The following BUB3 variants were observed in gnomAD, a reference collection of about 807,000 sequenced individuals.
The protein encoded by BUB3 is mitotic checkpoint protein BUB3.
A neutral mutation model predicts 39.9 loss-of-function variants in BUB3; 22 were observed. That is an observed-to-expected ratio of 0.55 (90% CI 0.39 to 0.79). BUB3 has a LOEUF of 0.79. Among genes scored for constraint, BUB3 ranks in the 30% least tolerant of loss-of-function variants. BUB3 has a pLI of 0.00. For missense variants in BUB3, 303 were observed against 415.4 expected (o/e 0.73, Z 2.35); for synonymous variants, 168 against 155.1 (o/e 1.08, Z -0.62).
rs982285680 is a variant in BUB3 at position 123,165,297 on chromosome 10, G to A, written c.*1462G>A. 3 of 439,212 alleles carry A rather than the reference G, an allele frequency of 6.8e-6. No homozygotes were observed. Among genetic ancestry groups the A allele is most frequent in the Non-Finnish European group, 1.2e-5 (3 of 247,346 alleles). The allele number at this position is 439,212 out of a possible 1,614,324, so 27.2% of individuals were successfully genotyped here. A position where few individuals can be genotyped will look rare whatever the true frequency, so the allele number is the denominator to read the frequency against. On this transcript the variant is annotated 3_prime_UTR_variant, in exon 8 of 8. Coordinates refer to ENST00000368865, the MANE Select transcript of BUB3 (RefSeq NM_004725.4). ...CCCAGTTGCTGTATCTGAACAGTTT[G>A]AGCTCTTTTTGTAATATACTCTAAA...
chr10:123,157,603 T>G, intron 3 of BUB3, 126 bp from the exon 4 acceptor site: 1 of 1,071,746 alleles, frequency 9.3e-7, no homozygotes, highest in Non-Finnish European at 1.3e-6. Context: ...GACATTTCCA[T>G]GGGGTTGGAT....
intron 5 of BUB3, among the ~76,000 whole-genome samples, 178 bp downstream of exon 5, chr10:123,160,743 G>A (rs913448921): frequency 1.3e-5 from 2 of 151,830 alleles, no homozygotes; most frequent in Non-Finnish European, 2.9e-5. Flanking sequence ...CAGGAAGTGC[G>A]TTAACCCCCA....
intron 4 of BUB3, among the ~76,000 whole-genome samples, chr10:123,158,794 T>C (rs1844383198): frequency 6.6e-6 from 1 of 152,248 alleles, no homozygotes; most frequent in African/African-American, 2.4e-5. Context: ...TATCATATAA[T>C]GGACAGCCAC....
Position 123,164,334 on chromosome 10 carries a change from A to T in BUB3, c.*499A>T, listed in dbSNP as rs1844460913. 1 of 985,872 alleles carries T rather than the reference A, an allele frequency of 1.0e-6. No homozygotes were observed. The highest frequency in any genetic ancestry group is 1.7e-5 in the African/African-American group (1 of 57,230). The allele number at this position is 985,872 out of a possible 1,614,324, so 61.1% of individuals were successfully genotyped here. ...CCTCTTGGCCGTCCATTATTTTCTG[A>T]AGCAGATGGTTCATCATTTCCTGGG... On this transcript the variant is annotated 3_prime_UTR_variant, in exon 8 of 8. Coordinates refer to ENST00000368865, the MANE Select transcript of BUB3 (RefSeq NM_004725.4).
rs571914436 is a variant in BUB3 at position 123,161,308 on chromosome 10, G to T, written c.576+743G>T. ...TTGGTGGTTGTAGAACTTGAAGCAG[G>T]TATGTTATTCTCTTTGCTTTTTAAC... On this transcript the variant is annotated intron_variant, in intron 5 of 7. Coordinates refer to ENST00000368865, the MANE Select transcript of BUB3 (RefSeq NM_004725.4). Among the ~76,000 whole-genome samples, 9 of 152,260 alleles carry T rather than the reference G, an allele frequency of 5.9e-5. No homozygotes were observed. In the South Asian group the frequency reaches 1.9e-3, roughly 32 times the overall value.
rs1844469774 is a variant in BUB3 at position 123,164,908 on chromosome 10, T to C, written c.*1073T>C. On this transcript the variant is annotated 3_prime_UTR_variant, in exon 8 of 8. Transcript: ENST00000368865. The stretch of plus-strand genomic sequence containing the variant: ...TGTCTCTGAGTAGGACTTGGACCTT[T>C]CCTGAGATTTATTTTATCCGTGATG... 6.9e-7 allele frequency: 1 copy of C among 1,441,130 alleles called. No individual in the cohort carries two copies. The highest frequency in any genetic ancestry group is 1.6e-5 in the South Asian group (1 of 64,318). The allele number at this position is 1,441,130 out of a possible 1,614,324, so 89.3% of individuals were successfully genotyped here. A position where few individuals can be genotyped will look rare whatever the true frequency, so the allele number is the denominator to read the frequency against.
chr10:123,160,364 G>A, intron 4 of BUB3, 43 bp from the exon 5 acceptor site: 1 of 1,460,414 alleles, frequency 6.8e-7, no homozygotes, highest in Non-Finnish European at 9.1e-7. Flanking sequence ...GCCATTTTCA[G>A]GCAAGAAGGT....
rs111288949 is a variant in BUB3, at chr10:123,166,438, G to T, written c.*2603G>T. ...AATATGACTTGCCCTTCTTGCATGC[G>T]ATGTATCTGGTGCATGTGTGCATTT... On this transcript the variant is annotated 3_prime_UTR_variant, in exon 8 of 8. Coordinates refer to ENST00000368865, the MANE Select transcript of BUB3 (RefSeq NM_004725.4). The T allele has an allele frequency of 1.3e-5, 2 of 152,306 alleles. No individual in the cohort carries two copies. Among genetic ancestry groups the T allele is most frequent in the African/African-American group, 4.8e-5 (2 of 41,554 alleles). 9.4% of individuals were successfully genotyped at this position (152,306 alleles called of 1,614,324 possible).
intron 5 of BUB3, among the ~76,000 whole-genome samples, chr10:123,161,712 A>G (rs1169020012): frequency 6.6e-6 from 1 of 152,206 alleles, no homozygotes; most frequent in Non-Finnish European, 1.5e-5. Context: ...TAAAATTGTA[A>G]ACCACTTTTG....
Position 123,154,954 on chromosome 10 carries a change from C to T in BUB3, c.37C>T (p.Pro13Ser). 5 of 1,614,132 alleles carry T rather than the reference C, an allele frequency of 3.1e-6. No homozygotes were observed. Among genetic ancestry groups the T allele is most frequent in the Non-Finnish European group, 4.2e-6 (5 of 1,180,028 alleles). The stretch of plus-strand genomic sequence containing the variant: ...TAACGAGTTCAAGCTGAACCAGCCA[C>T]CCGAGGATGGCATCTCCTCCGTGAA... The part of the protein sequence containing the change: ...GSNEFKLNQP[P>S]EDGISSVKFS... Residue 13 changes from proline to serine, a missense_variant, in exon 2 of 8, where the codon CCC becomes TCC. This residue lies in a region of BUB3 where 121 missense variants were observed against 122.3 expected (regional missense o/e 0.99). Coordinates refer to ENST00000368865, the MANE Select transcript of BUB3 (RefSeq NM_004725.4).
In BUB3 at chr10:123,167,641, A is replaced by G. The variant is rs1473003784; in HGVS notation, c.*3806A>G. On this transcript the variant is annotated 3_prime_UTR_variant, in exon 8 of 8. Coordinates refer to ENST00000368865, the MANE Select transcript of BUB3 (RefSeq NM_004725.4). ...AGACATCTTGTCCAGTGCACTAGAC[A>G]GGTGACCTTTGGCTTTGTTCATTAA... 2 of 152,210 alleles carry G rather than the reference A, an allele frequency of 1.3e-5. No individual in the cohort carries two copies. Among genetic ancestry groups the G allele is most frequent in the African/African-American group, 4.8e-5 (2 of 41,446 alleles). The allele number at this position is 152,210 out of a possible 1,614,324, so 9.4% of individuals were successfully genotyped here.
rs1844509032 is a variant in BUB3 at position 123,167,785 on chromosome 10, G to C, written c.*3950G>C. ...TTAAAAATTTCTTTATAGCTTCATGGAGGTATTTGATGAAAATTGTATATA... is the reference window on the plus strand; with the variant it reads ...TTAAAAATTTCTTTATAGCTTCATGCAGGTATTTGATGAAAATTGTATATA... On this transcript the variant is annotated 3_prime_UTR_variant, in exon 8 of 8. Coordinates refer to ENST00000368865, the MANE Select transcript of BUB3 (RefSeq NM_004725.4). The C allele has an allele frequency of 6.6e-6, 1 of 152,046 alleles. No individual in the cohort carries two copies. The highest frequency in any genetic ancestry group is 1.5e-5 in the Non-Finnish European group (1 of 68,030). The allele number at this position is 152,046 out of a possible 1,614,324, so 9.4% of individuals were successfully genotyped here. A position where few individuals can be genotyped will look rare whatever the true frequency, so the allele number is the denominator to read the frequency against.
In BUB3 at chr10:123,167,463, C is replaced by A. The variant is rs1047813054; in HGVS notation, c.*3628C>A. On this transcript the variant is annotated 3_prime_UTR_variant, in exon 8 of 8. Transcript: ENST00000368865. ...TTCCTCATATTGCCTGGCATTTAAA[C>A]ATTTTTGTATGCGTACATCTTGCTT... is the stretch of plus-strand genomic sequence containing the variant. The A allele has an allele frequency of 8.5e-5, 13 of 152,148 alleles. No homozygotes were observed. Among genetic ancestry groups the A allele is most frequent in the African/African-American group, 2.9e-4 (12 of 41,446 alleles). 9.4% of individuals were successfully genotyped at this position (152,148 alleles called of 1,614,324 possible). A position where few individuals can be genotyped will look rare whatever the true frequency, so the allele number is the denominator to read the frequency against.
chr10:123,162,936 C>A, intron 7 of BUB3, 108 bp downstream of exon 7: 3 of 1,053,532 alleles, frequency 2.8e-6, no homozygotes, highest in Non-Finnish European at 4.2e-6. Flanking sequence ...GATATTACAG[C>A]TGACTGTAGG....
At position 123,164,014 on chromosome 10, in the gene BUB3, T is replaced by C. The variant is rs190890741; in HGVS notation, c.*179T>C. 2.3e-6 allele frequency: 3 copies of C among 1,305,554 alleles called. No homozygotes were observed. The highest frequency in any genetic ancestry group is 7.9e-5 in the Admixed American group (2 of 25,236). The allele number at this position is 1,305,554 out of a possible 1,614,324, so 80.9% of individuals were successfully genotyped here. A position where few individuals can be genotyped will look rare whatever the true frequency, so the allele number is the denominator to read the frequency against. ...TTTTTTAAATAAACACCTTCTTAAG[T>C]GCATGAGATGGTTTGATGGTTTGCT... On this transcript the variant is annotated 3_prime_UTR_variant, in exon 8 of 8. Coordinates refer to ENST00000368865, the MANE Select transcript of BUB3 (RefSeq NM_004725.4).
chr10:123,166,784 G>A lies in BUB3; in HGVS notation c.*2949G>A, dbSNP rs910672392. ...TATAAATAAGTGGATGGGATGGGAA[G>A]TGACAGCAATATCTGGTTCTGAGTT... On this transcript the variant is annotated 3_prime_UTR_variant, in exon 8 of 8. Coordinates refer to ENST00000368865, the MANE Select transcript of BUB3 (RefSeq NM_004725.4). The A allele has an allele frequency of 1.3e-5, 2 of 152,352 alleles. No homozygotes were observed. The highest frequency in any genetic ancestry group is 4.8e-5 in the African/African-American group (2 of 41,570). 9.4% of individuals were successfully genotyped at this position (152,352 alleles called of 1,614,324 possible). A position where few individuals can be genotyped will look rare whatever the true frequency, so the allele number is the denominator to read the frequency against.
At chr10:123,159,258 T>C (rs747014410) in intron 4 of BUB3, among the ~76,000 whole-genome samples, 33 of 152,348 alleles carry the variant, frequency 2.2e-4, no homozygotes, top group Non-Finnish European at 4.6e-4. Context: ...GACATGGCGT[T>C]GTTAAAGCTA....
Position 123,164,320 on chromosome 10 carries a change from T to C in BUB3, c.*485T>C. On this transcript the variant is annotated 3_prime_UTR_variant, in exon 8 of 8. Coordinates refer to ENST00000368865, the MANE Select transcript of BUB3 (RefSeq NM_004725.4). ...ATTAAACAATATTTCCTCTTGGCCG[T>C]CCATTATTTTCTGAAGCAGATGGTT... The C allele has an allele frequency of 1.0e-6, 1 of 985,912 alleles. No individual in the cohort carries two copies. Among genetic ancestry groups the C allele is most frequent in the Non-Finnish European group, 1.2e-6 (1 of 830,340 alleles). 61.1% of individuals were successfully genotyped at this position (985,912 alleles called of 1,614,324 possible).
At chr10:123,154,768 GC>G in intron 1 of BUB3, 149 bp from the exon 2 acceptor site, 1 of 820,960 alleles carries the variant, frequency 1.2e-6, no homozygotes. Flanking sequence ...CCGGACCTTG[GC>G]GGGCGAGTGC....
Sources: allele counts gnomAD v4.1 joint callset (sites outside exome capture counted in the v4.1 genomes callset), GRCh38; gene constraint gnomAD v4.1.1; regional missense constraint gnomAD v4.1.1; transcripts MANE v1.5; gene names NCBI Gene and HGNC (gene_info 2026-07-23, HGNC 2026-07-21).